Variants in SCMH1 observed in about 807,000 individuals in gnomAD.
SCMH1 encodes the protein Scm polycomb group protein homolog 1.
SCMH1 carries 37 observed loss-of-function variants against 70.8 expected under a neutral mutation model. The observed-to-expected ratio is 0.52, with a 90% CI of 0.40 to 0.69. SCMH1 has a LOEUF of 0.69. SCMH1 is among the 30% of genes least tolerant of loss of function. The pLI is 0.00. For missense variants in SCMH1, 607 were observed against 827.3 expected (o/e 0.73, Z 3.27); for synonymous variants, 292 against 307.4 (o/e 0.95, Z 0.52).
At chr1:41,049,267 T>C (rs553350941) in intron 10 of SCMH1, among the ~76,000 whole-genome samples, 1 of 152,156 alleles carries the variant, frequency 6.6e-6, no homozygotes, top group Admixed American at 6.5e-5. Context: ...TTACCATATA[T>C]GTGTAAGGCA....
At chr1:41,198,194 C>T (rs192445800) in intron 1 of SCMH1, among the ~76,000 whole-genome samples, 11 of 152,170 alleles carry the variant, frequency 7.2e-5, no homozygotes, top group South Asian at 6.2e-4. Flanking sequence ...TATTACTGAT[C>T]GCTGATGAAG....
intron 9 of SCMH1, among the ~76,000 whole-genome samples, chr1:41,074,933 G>A (rs1657767888): frequency 6.6e-6 from 1 of 152,142 alleles, no homozygotes; most frequent in Non-Finnish European, 1.5e-5. Context: ...CACGATCTCC[G>A]CTCACTGCAA....
intron 12 of SCMH1, chr1:41,038,225 T>C (rs1420058036): frequency 6.6e-6 from 1 of 152,266 alleles, no homozygotes. Context: ...AGAATGGCTA[T>C]GAAAGTCTTT....
At chr1:41,168,466 A>G (rs1474256125) in intron 2 of SCMH1, among the ~76,000 whole-genome samples, 1 of 151,988 alleles carries the variant, frequency 6.6e-6, no homozygotes, top group African/African-American at 2.4e-5. Flanking sequence ...TATTTTTCAC[A>G]TCTTTGATGT....
chr1:41,168,395 C>T (rs1356174258), intron 2 of SCMH1, among the ~76,000 whole-genome samples: 2 of 151,968 alleles, frequency 1.3e-5, no homozygotes, highest in East Asian at 1.9e-4. Flanking sequence ...TCGATCCTTT[C>T]TTCTGCTTCA....
intron 4 of SCMH1, chr1:41,152,732 G>A: frequency 6.2e-7 from 1 of 1,607,724 alleles, no homozygotes; most frequent in Non-Finnish European, 8.5e-7. Flanking sequence ...CATGCAAAAA[G>A]CACTAGATGC....
At chr1:41,204,922 C>A (rs1368895967) in intron 1 of SCMH1, among the ~76,000 whole-genome samples, 5 of 151,992 alleles carry the variant, frequency 3.3e-5, no homozygotes, top group Non-Finnish European at 1.5e-5. Context: ...AAAAAAGGCA[C>A]AAAACTAAAA....
At chr1:41,129,963 C>G (rs573703401) in intron 6 of SCMH1, among the ~76,000 whole-genome samples, 6 of 152,184 alleles carry the variant, frequency 3.9e-5, no homozygotes, top group Admixed American at 3.3e-4. Flanking sequence ...AACAGACATT[C>G]CCATTTCTCC....
intron 7 of SCMH1, 92 bp downstream of exon 7, chr1:41,116,830 G>T: frequency 1.1e-6 from 1 of 929,430 alleles, no homozygotes; most frequent in Non-Finnish European, 1.6e-6. Context: ...TTCTGAGAAG[G>T]CATCTTCAGG....
chr1:41,192,495 G>GACACACAC lies in SCMH1; in HGVS notation c.-117-6253_-117-6246dup, dbSNP rs55940657. ...TAGTTGTTGAGAGGATTAAATAGGA[G>GACACACAC]ACACACACACACACACACACACACA... On this transcript the variant is annotated intron_variant, in intron 1 of 14. Coordinates refer to ENST00000337495, the Ensembl canonical transcript of SCMH1. 3.7e-3 allele frequency among the ~76,000 whole-genome samples: 548 copies of GACACACAC among 148,740 alleles called. 5 individuals carry two copies. Among genetic ancestry groups the GACACACAC allele is most frequent in the East Asian group, 0.013 (67 of 5,042 alleles).
At chr1:41,155,507 A>AAAACAAAC (rs547168813) in intron 4 of SCMH1, among the ~76,000 whole-genome samples, 38 of 152,084 alleles carry the variant, frequency 2.5e-4, no homozygotes, top group African/African-American at 8.7e-4. Context: ...ACATGGAGCA[A>AAAACAAAC]AAACAAACAA....
intron 10 of SCMH1, among the ~76,000 whole-genome samples, chr1:41,055,997 T>C (rs1360325702): frequency 6.6e-6 from 1 of 152,032 alleles, no homozygotes; most frequent in Non-Finnish European, 1.5e-5. Flanking sequence ...AATAGAGAGG[T>C]AGTTTTAAAA....
At chr1:41,082,190 T>C (rs1220299541) in intron 8 of SCMH1, among the ~76,000 whole-genome samples, 1 of 151,954 alleles carries the variant, frequency 6.6e-6, no homozygotes, top group Non-Finnish European at 1.5e-5. Context: ...TATGGCCTCA[T>C]TAAAACAAAA....
At chr1:41,203,408 G>A (rs796749529) in intron 1 of SCMH1, among the ~76,000 whole-genome samples, 5 of 152,048 alleles carry the variant, frequency 3.3e-5, no homozygotes, top group African/African-American at 1.2e-4. Context: ...TTAACCACAT[G>A]GCTATCAAAA....
intron 8 of SCMH1, among the ~76,000 whole-genome samples, chr1:41,102,173 ATG>A (rs3834018): frequency 6.6e-5 from 10 of 151,476 alleles, no homozygotes; most frequent in South Asian, 2.1e-4. Context: ...ATGCACACGC[ATG>A]TGTGTGTGTG....
chr1:41,099,532 T>C (rs547691291), intron 8 of SCMH1, among the ~76,000 whole-genome samples: 2 of 152,330 alleles, frequency 1.3e-5, no homozygotes, highest in South Asian at 2.1e-4. Context: ...CTTTGAGGCA[T>C]AGAGAAGTGA....
intron 11 of SCMH1, among the ~76,000 whole-genome samples, chr1:41,046,947 T>C (rs1314557873): frequency 6.6e-6 from 1 of 152,198 alleles, no homozygotes; most frequent in Non-Finnish European, 1.5e-5. Context: ...GGGTGCTATT[T>C]TCACAAGAAC....
chr1:41,133,045 G>A (rs1301753809), intron 6 of SCMH1, among the ~76,000 whole-genome samples: 2 of 152,130 alleles, frequency 1.3e-5, no homozygotes, highest in South Asian at 2.1e-4. Flanking sequence ...GGTTCCATAT[G>A]AAATTTAAAG....
chr1:41,028,772 G>A, intron 13 of SCMH1, 46 bp from the exon 15 acceptor site: 2 of 1,601,710 alleles, frequency 1.2e-6, no homozygotes, highest in African/African-American at 1.3e-5. Context: ...GGACTGGTTT[G>A]TAAATCCCCA....
Sources: gnomAD v4.1 joint callset for allele counts (sites outside exome capture counted in the v4.1 genomes callset) on GRCh38, gnomAD v4.1.1 for gene constraint, MANE v1.5 for transcripts, NCBI Gene and HGNC (gene_info 2026-07-23, HGNC 2026-07-21) for gene names.